The following PKHD1 variants were observed in gnomAD, a reference collection of about 807,000 sequenced individuals.
PKHD1 encodes the protein PKHD1 ciliary IPT domain containing fibrocystin/polyductin.
PKHD1 carries 291 observed loss-of-function variants against 412.0 expected under a neutral mutation model. The observed-to-expected ratio is 0.71, with a 90% CI of 0.64 to 0.78. The LOEUF (loss-of-function observed/expected upper bound fraction) is 0.78, where lower values mean the gene tolerates loss of function less well. Among genes scored for constraint, PKHD1 ranks in the 30% least tolerant of loss-of-function variants. The pLI, the probability that PKHD1 is intolerant of heterozygous loss-of-function variation, is 0.00. For synonymous variants in PKHD1, 1,777 were observed against 1,821.5 expected (o/e 0.98, Z 0.62); for missense variants, 4,825 against 4,950.7 (o/e 0.97, Z 0.76).
intron 50 of PKHD1, among the ~76,000 whole-genome samples, chr6:51,840,759 C>T (rs373655757): frequency 3.9e-5 from 6 of 152,068 alleles, no homozygotes; most frequent in African/African-American, 9.7e-5. Context: ...AAGTAAAGAG[C>T]GAGACCCAGA....
intron 60 of PKHD1, among the ~76,000 whole-genome samples, chr6:51,738,209 C>G (rs555577560): frequency 6.6e-6 from 1 of 152,334 alleles, no homozygotes; most frequent in East Asian, 1.9e-4. Flanking sequence ...CTCCAGACAG[C>G]TAGCGCACTC....
At chr6:51,791,920 T>C (rs959321349) in intron 52 of PKHD1, among the ~76,000 whole-genome samples, 2 of 152,162 alleles carry the variant, frequency 1.3e-5, no homozygotes, top group African/African-American at 4.8e-5. Flanking sequence ...TTTAATTGAG[T>C]TAATAGATTG....
At chr6:51,721,605 C>T (rs1275544522) in intron 60 of PKHD1, 24 of 1,065,628 alleles carry the variant, frequency 2.3e-5, no homozygotes, top group Non-Finnish European at 2.6e-5. Context: ...ATAGTGGGTA[C>T]CCCAAACTCA....
intron 36 of PKHD1, among the ~76,000 whole-genome samples, chr6:51,944,676 G>A (rs551014924): frequency 6.6e-6 from 1 of 152,144 alleles, no homozygotes; most frequent in East Asian, 1.9e-4. Context: ...AGCCTCCAGG[G>A]AGATTGATTT....
At chr6:51,653,801 T>A (rs1220129256) in intron 61 of PKHD1, among the ~76,000 whole-genome samples, 2 of 152,018 alleles carry the variant, frequency 1.3e-5, no homozygotes, top group Admixed American at 6.6e-5. Flanking sequence ...ATAAGTAAAA[T>A]CAATTATAAG....
In PKHD1 at chr6:51,795,970, A is replaced by T. The variant is rs1212036899; in HGVS notation, c.8303-4597T>A. 3.3e-5 allele frequency among the ~76,000 whole-genome samples: 5 copies of T among 151,560 alleles called. No individual in the cohort carries two copies. In the East Asian group the frequency reaches 9.7e-4, roughly 29 times the overall value. On this transcript the variant is annotated intron_variant, in intron 52 of 66. Transcript: ENST00000371117. ...GCATTGGTGTTCATCAATAATATTGACCCGAATTTGTCTTATTGTCAGGTT... is the reference window on the plus strand; with the variant it reads ...GCATTGGTGTTCATCAATAATATTGTCCCGAATTTGTCTTATTGTCAGGTT...
At chr6:52,022,113 G>C (rs951779288) in intron 33 of PKHD1, among the ~76,000 whole-genome samples, 22 of 151,996 alleles carry the variant, frequency 1.4e-4, no homozygotes, top group African/African-American at 5.1e-4. Context: ...AGCTCAGTGG[G>C]GTATTACCAT....
chr6:51,993,921 C>T (rs1797361856), intron 35 of PKHD1, among the ~76,000 whole-genome samples: 1 of 151,990 alleles, frequency 6.6e-6, no homozygotes, highest in African/African-American at 2.4e-5. Flanking sequence ...CCAAAATTTC[C>T]CAAAGTGTTC....
intron 43 of PKHD1, among the ~76,000 whole-genome samples, chr6:51,898,240 C>A (rs1384251258): frequency 6.6e-6 from 1 of 150,894 alleles, no homozygotes; most frequent in Non-Finnish European, 1.5e-5. Flanking sequence ...CACACCTATT[C>A]CAAAATTGAC....
At chr6:51,731,328 CA>C (rs1250655782) in intron 60 of PKHD1, among the ~76,000 whole-genome samples, 1 of 152,084 alleles carries the variant, frequency 6.6e-6, no homozygotes, top group Non-Finnish European at 1.5e-5. Flanking sequence ...GATAGGTATT[CA>C]AAAATAGCTC....
chr6:51,704,941 T>C (rs1028126697), intron 60 of PKHD1, among the ~76,000 whole-genome samples: 2 of 151,862 alleles, frequency 1.3e-5, no homozygotes, highest in Non-Finnish European at 2.9e-5. Context: ...GAGGTATAGG[T>C]AGAAGAGGAT....
rs1237634761 is a variant in PKHD1 at position 52,055,732 on chromosome 6, G to A, written c.1694-3C>T. On this transcript the variant is annotated splice_polypyrimidine_tract_variant and splice_region_variant and intron_variant, in intron 18 of 66. Coordinates refer to ENST00000371117, the MANE Select transcript of PKHD1 (RefSeq NM_138694.4). The stretch of plus-strand genomic sequence containing the variant: ...ATCAGAGTTGGAAACTTCTGGGCCT[G>A]GATGCAGTTCAGATAAAATAGAAAG... The A allele has an allele frequency of 6.2e-7, 1 of 1,613,698 alleles. No homozygotes were observed. The highest frequency in any genetic ancestry group is 8.5e-7 in the Non-Finnish European group (1 of 1,179,746).
intron 58 of PKHD1, 50 bp from the exon 59 acceptor site, chr6:51,746,939 G>C (rs1010370501): frequency 9.1e-7 from 1 of 1,096,394 alleles, no homozygotes; most frequent in Non-Finnish European, 1.3e-6. Context: ...TAAACCACCA[G>C]CCACAAATAT....
At chr6:51,915,301 A>C (rs1783604929) in intron 37 of PKHD1, among the ~76,000 whole-genome samples, 1 of 152,104 alleles carries the variant, frequency 6.6e-6, no homozygotes, top group Non-Finnish European at 1.5e-5. Context: ...AGGCTCCAAG[A>C]CTTGCTGAGT....
Position 51,650,439 on chromosome 6 carries a change from G to GTTATTTAT in PKHD1, c.11175-1220_11175-1219insATAAATAA, listed in dbSNP as rs138227368. Among the ~76,000 whole-genome samples the GTTATTTAT allele has an allele frequency of 3.1e-4, 46 of 148,106 alleles. 2 individuals carry two copies. Among genetic ancestry groups the GTTATTTAT allele is most frequent in the South Asian group, 6.3e-4 (3 of 4,768 alleles). ...CAATAGCCTAGGCCAGGTCTCATGA[G>GTTATTTAT]GTATTTATTTATTTATTTATTTTTA... On this transcript the variant is annotated intron_variant, in intron 61 of 66. Transcript: ENST00000371117.
In PKHD1 at chr6:51,777,679, GAAAAAAAAAAAAAAAAAAAAAA is replaced by G. The variant is rs59379021; in HGVS notation, c.8441-1780_8441-1759del. Among the ~76,000 whole-genome samples, 436 of 118,786 alleles carry G rather than the reference GAAAAAAAAAAAAAAAAAAAAAA, an allele frequency of 3.7e-3. 2 individuals are homozygous for G. The highest frequency in any genetic ancestry group is 0.013 in the African/African-American group (386 of 29,264). The allele number at this position is 118,786 out of a possible 152,430, so 77.9% of individuals were successfully genotyped here. ...ACGGAGGGTAGTTTAGAGTCTTTGG[GAAAAAAAAAAAAAAAAAAAAAA>G]AAAAAAAAAAAAGTGGCCTAGCACT... On this transcript the variant is annotated intron_variant, in intron 53 of 66. Transcript: ENST00000371117.
Position 52,025,737 on chromosome 6 carries a change from C to T in PKHD1, c.4073G>A (p.Ser1358Asn). 1.9e-6 allele frequency: 3 copies of T among 1,614,208 alleles called. No homozygotes were observed. In the South Asian group the frequency reaches 3.3e-5, roughly 18 times the overall value. ...SLSGCSIPLHSLEAGIYPLQV... is the reference protein window; with the variant it reads ...SLSGCSIPLHNLEAGIYPLQV... ...GAGAGGATAGATGCCAGCCTCCAGA[C>T]TGTGAAGAGGGATGGAGCATCCAGA... Residue 1358 changes from serine (S) to asparagine (N), a missense_variant, in exon 32 of 67, where the codon AGT becomes AAT. Transcript: ENST00000371117.
At chr6:51,963,132 C>T (rs1331261068) in intron 35 of PKHD1, among the ~76,000 whole-genome samples, 2 of 152,146 alleles carry the variant, frequency 1.3e-5, no homozygotes, top group Admixed American at 6.6e-5. Context: ...CTTAAAAATG[C>T]TATATCCCCT....
chr6:51,690,275 A>C (rs1301056713), intron 60 of PKHD1, among the ~76,000 whole-genome samples: 1 of 18,488 alleles, frequency 5.4e-5, no homozygotes. Flanking sequence ...CCATCTCAAA[A>C]AAAAAAAAAA....
Sources: gnomAD v4.1 joint callset for allele counts (sites outside exome capture counted in the v4.1 genomes callset) on GRCh38, gnomAD v4.1.1 for gene constraint, MANE v1.5 for transcripts, NCBI Gene and HGNC (gene_info 2026-07-23, HGNC 2026-07-21) for gene names.